ENTPD4: variants seen among roughly 807,000 people sequenced by gnomAD.
ENTPD4 encodes the protein Golgi UDPase.
ENTPD4 carries 60 observed loss-of-function variants against 79.1 expected under a neutral mutation model. That is an observed-to-expected ratio of 0.76 (90% CI 0.62 to 0.94). The LOEUF (loss-of-function observed/expected upper bound fraction) is 0.94, where lower values mean the gene tolerates loss of function less well. ENTPD4 is among the 40% of genes least tolerant of loss of function. ENTPD4 has a pLI of 0.00. For missense variants in ENTPD4, 772 were observed against 775.1 expected, an observed-to-expected ratio of 1.00 and a Z score of 0.05; for synonymous variants, 276 against 292.0, an observed-to-expected ratio of 0.95 and a Z score of 0.56.
chr8:23,436,694 A>G (rs917458771), intron 10 of ENTPD4, among the ~76,000 whole-genome samples: 1 of 152,180 alleles, frequency 6.6e-6, no homozygotes, highest in Non-Finnish European at 1.5e-5. Context: ...TGTAATTTGG[A>G]GCTAACTGAT....
chr8:23,441,332 A>G, intron 8 of ENTPD4: 2 of 753,690 alleles, frequency 2.7e-6, no homozygotes, highest in Non-Finnish European at 3.2e-6. Flanking sequence ...GCGACTGCGT[A>G]TATACCAAAG....
In ENTPD4 at chr8:23,431,504, C is replaced by G; in HGVS notation, c.*1422G>C. 1 of 985,400 alleles carries G rather than the reference C, an allele frequency of 1.0e-6. No homozygotes were observed. Among genetic ancestry groups the G allele is most frequent in the Non-Finnish European group, 1.2e-6 (1 of 829,928 alleles). 61.0% of individuals were successfully genotyped at this position (985,400 alleles called of 1,614,324 possible). ...TCCAATTGTCCTTTTTAGATTTTGG[C>G]TTAAATTGTCGAATTTTTTCCTTCA... On this transcript the variant is annotated 3_prime_UTR_variant, in exon 13 of 13. Transcript: ENST00000358689.
In ENTPD4 at chr8:23,442,075, A is replaced by G. The variant is rs1479781315; in HGVS notation, c.668-9T>C. On this transcript the variant is annotated splice_polypyrimidine_tract_variant and intron_variant, in intron 6 of 12. Transcript: ENST00000358689. ...AATCCAAGCATACACACCTATAGAC[A>G]TTTTACAGGGTGAAGAGAAGAAAAA... The G allele has an allele frequency of 1.2e-6, 2 of 1,608,814 alleles. No individual in the cohort carries two copies. Among genetic ancestry groups the G allele is most frequent in the African/African-American group, 2.7e-5 (2 of 74,850 alleles).
rs1196672687 is a variant in ENTPD4, at chr8:23,439,857, G to C, written c.941C>G (p.Thr314Ser). The C allele has an allele frequency of 6.2e-7, 1 of 1,613,990 alleles. No homozygotes were observed. The highest frequency in any genetic ancestry group is 1.1e-5 in the South Asian group (1 of 91,080). The change falls in exon 9 of 13, where the codon ACT becomes AGT. Residue 314 changes from threonine to serine, a missense_variant. By Grantham distance (58) the Thr-to-Ser change is moderately conservative. Coordinates refer to ENST00000358689, the MANE Select transcript of ENTPD4 (RefSeq NM_004901.5). ...EFNLGCDVHQ[T>S]EHVYRVYVAT... ...CACATAGACTCGATACACATGCTCA[G>C]TTTGGTGAACATCACATCCCAAGTT...
chr8:23,444,400 AC>A (rs1800727953), intron 5 of ENTPD4, 55 bp downstream of exon 5: 1 of 1,457,946 alleles, frequency 6.9e-7, no homozygotes, highest in African/African-American at 1.4e-5. Flanking sequence ...GGAGAAGAAC[AC>A]CCCCTCTCCC....
At chr8:23,457,017 G>A (rs1316405695) in intron 1 of ENTPD4, among the ~76,000 whole-genome samples, 1 of 152,208 alleles carries the variant, frequency 6.6e-6, no homozygotes, top group Non-Finnish European at 1.5e-5. Flanking sequence ...GACCATGAGA[G>A]AATTGTTCCT....
In ENTPD4 at chr8:23,444,554, T is replaced by C. The variant is rs777810427; in HGVS notation, c.465A>G (p.Pro155=). 2.5e-6 allele frequency: 4 copies of C among 1,614,054 alleles called. No homozygotes were observed. The African/African-American group carries it at 5.3e-5, about 22-fold the overall frequency. The change falls in exon 5 of 13, where the codon CCA becomes CCG. Residue 155 remains proline (P), a synonymous_variant. Coordinates refer to ENST00000358689, the MANE Select transcript of ENTPD4 (RefSeq NM_004901.5). Reference sequence around the variant, plus strand: ...CATGCTCTGCAGCAAAGTTCAAAAGTGGAGAAATGTAATCACTGACTTTCT... The same window carrying C: ...CATGCTCTGCAGCAAAGTTCAAAAGCGGAGAAATGTAATCACTGACTTTCT... ...SPEKVSDYIS[P]LLNFAAEHVP... is the part of the protein sequence containing the mutation.
In ENTPD4 at chr8:23,444,524, T is replaced by C; in HGVS notation, c.495A>G (p.Pro165=). ...GAGGTGTCTCTTTGTGTTTTGCCCG[T>C]GGCACATGCTCTGCAGCAAAGTTCA... ...PLLNFAAEHV[P]RAKHKETPLY... The change falls in exon 5 of 13, where the codon CCA becomes CCG. Residue 165 remains proline, a synonymous_variant. Transcript: ENST00000358689. 6.2e-7 allele frequency: 1 copy of C among 1,614,186 alleles called. No homozygotes were observed. The highest frequency in any genetic ancestry group is 8.5e-7 in the Non-Finnish European group (1 of 1,180,018).
chr8:23,430,900 T>A lies in ENTPD4; in HGVS notation c.*2026A>T. 1.0e-6 allele frequency: 1 copy of A among 985,464 alleles called. No homozygotes were observed. The highest frequency in any genetic ancestry group is 1.2e-6 in the Non-Finnish European group (1 of 829,966). The allele number at this position is 985,464 out of a possible 1,614,324, so 61.0% of individuals were successfully genotyped here. A position where few individuals can be genotyped will look rare whatever the true frequency, so the allele number is the denominator to read the frequency against. On this transcript the variant is annotated 3_prime_UTR_variant, in exon 13 of 13. Coordinates refer to ENST00000358689, the MANE Select transcript of ENTPD4 (RefSeq NM_004901.5). ...AGGCAGGTGGCCAAGACCAACTTAT[T>A]AGGTAGCCAGAAGCTCACCCCTTTC...
At position 23,432,906 on chromosome 8, in the gene ENTPD4, T is replaced by C; in HGVS notation, c.*20A>G. On this transcript the variant is annotated 3_prime_UTR_variant, in exon 13 of 13. Transcript: ENST00000358689. ...AAAAATGGCTTTTCCTTTTGAGTCTTCGTGGAGCTGTGAGCTGGATCACAA... is the reference window on the plus strand; with the variant it reads ...AAAAATGGCTTTTCCTTTTGAGTCTCCGTGGAGCTGTGAGCTGGATCACAA... The C allele has an allele frequency of 6.4e-7, 1 of 1,557,612 alleles. No homozygotes were observed.
intron 1 of ENTPD4, among the ~76,000 whole-genome samples, chr8:23,453,641 T>C (rs923051589): frequency 1.3e-5 from 2 of 152,188 alleles, no homozygotes; most frequent in African/African-American, 4.8e-5. Context: ...GATACTTGGC[T>C]AACAGGGGAA....
chr8:23,445,758 G>T (rs1353064657), intron 4 of ENTPD4, among the ~76,000 whole-genome samples: 1 of 152,114 alleles, frequency 6.6e-6, no homozygotes, highest in Non-Finnish European at 1.5e-5. Flanking sequence ...CTTCTCAAGG[G>T]CACAAAATGT....
chr8:23,445,044 A>G (rs963691799), intron 4 of ENTPD4, among the ~76,000 whole-genome samples: 3 of 152,142 alleles, frequency 2.0e-5, no homozygotes, highest in African/African-American at 7.2e-5. Flanking sequence ...TTGTCCTCAC[A>G]GCCACCCCCA....
At chr8:23,441,248 A>T in intron 8 of ENTPD4, 1 of 189,044 alleles carries the variant, frequency 5.3e-6, no homozygotes, top group Non-Finnish European at 9.8e-6. Context: ...ATCAGATGTT[A>T]TTATTTTACA....
intron 5 of ENTPD4, among the ~76,000 whole-genome samples, 170 bp downstream of exon 5, chr8:23,444,286 T>C (rs1455787161): frequency 6.6e-6 from 1 of 152,222 alleles, no homozygotes; most frequent in African/African-American, 2.4e-5. Flanking sequence ...TGGTGGATTC[T>C]GGCTAAAGGA....
At position 23,431,005 on chromosome 8, in the gene ENTPD4, C is replaced by T; in HGVS notation, c.*1921G>A. On this transcript the variant is annotated 3_prime_UTR_variant, in exon 13 of 13. Coordinates refer to ENST00000358689, the MANE Select transcript of ENTPD4 (RefSeq NM_004901.5). Reference sequence around the variant, plus strand: ...GCCTGGGTCCCCAGGCTGCTGGTAACACGCTTTGAAATCCAGGTGAGGGAG... The same window carrying T: ...GCCTGGGTCCCCAGGCTGCTGGTAATACGCTTTGAAATCCAGGTGAGGGAG... 1 of 983,240 alleles carries T rather than the reference C, an allele frequency of 1.0e-6. No homozygotes were observed. The highest frequency in any genetic ancestry group is 1.2e-6 in the Non-Finnish European group (1 of 827,942). 60.9% of individuals were successfully genotyped at this position (983,240 alleles called of 1,614,324 possible).
chr8:23,433,546 G>A lies in ENTPD4; in HGVS notation c.1623-392C>T, dbSNP rs980631274. On this transcript the variant is annotated intron_variant, in intron 12 of 12. Coordinates refer to ENST00000358689, the MANE Select transcript of ENTPD4 (RefSeq NM_004901.5). ...ATGCTCAATTAAATGGAGGGGGTGG[G>A]GGGAAGAGCAAATGTCTCATCTATC... Among the ~76,000 whole-genome samples the A allele has an allele frequency of 1.3e-5, 2 of 152,116 alleles. 1 individual carries two copies. Among genetic ancestry groups the A allele is most frequent in the South Asian group, 4.1e-4 (2 of 4,830 alleles).
chr8:23,431,795 A>G lies in ENTPD4; in HGVS notation c.*1131T>C. The G allele has an allele frequency of 1.0e-6, 1 of 985,480 alleles. No individual in the cohort carries two copies. The highest frequency in any genetic ancestry group is 1.7e-5 in the African/African-American group (1 of 57,378). The allele number at this position is 985,480 out of a possible 1,614,324, so 61.0% of individuals were successfully genotyped here. ...AGAAGTGGGCATGTGCTCTAGTTCC[A>G]ATAAAACCGAAACTGGTGAAACTAG... On this transcript the variant is annotated 3_prime_UTR_variant, in exon 13 of 13. Coordinates refer to ENST00000358689, the MANE Select transcript of ENTPD4 (RefSeq NM_004901.5).
At chr8:23,456,890 T>C (rs1466337213) in intron 1 of ENTPD4, among the ~76,000 whole-genome samples, 1 of 152,238 alleles carries the variant, frequency 6.6e-6, no homozygotes, top group Non-Finnish European at 1.5e-5. Flanking sequence ...TGAAAGTTCC[T>C]GAATCATAAA....
Sources: allele counts gnomAD v4.1 joint callset (sites outside exome capture counted in the v4.1 genomes callset), GRCh38; gene constraint gnomAD v4.1.1; transcripts MANE v1.5; gene names NCBI Gene and HGNC (gene_info 2026-07-23, HGNC 2026-07-21).